Variants in CDK14 observed in about 807,000 individuals in gnomAD.
The protein encoded by CDK14 is cyclin-dependent kinase 14.
A neutral mutation model predicts 60.7 loss-of-function variants in CDK14; 34 were observed. The ratio of observed to expected loss-of-function variants is 0.56; its 90% CI spans 0.43 to 0.75. The LOEUF (loss-of-function observed/expected upper bound fraction) is 0.75, where lower values mean the gene tolerates loss of function less well. Ranked by LOEUF, CDK14 falls within the 30% of genes least tolerant of loss-of-function variation. The probability of loss-of-function intolerance (pLI) is 0.00; values close to 1 mark genes in which losing one functional copy is unlikely to be tolerated. For synonymous variants in CDK14, 197 were observed against 203.7 expected, an observed-to-expected ratio of 0.97 and a Z score of 0.28; for missense variants, 482 against 564.1, an observed-to-expected ratio of 0.85 and a Z score of 1.47.
chr7:90,920,219 C>T (rs1793206447), intron 8 of CDK14, among the ~76,000 whole-genome samples: 1 of 152,170 alleles, frequency 6.6e-6, no homozygotes, highest in Non-Finnish European at 1.5e-5. Context: ...ATTAAAAACA[C>T]AAAGGTCTTA....
At chr7:90,940,959 A>T (rs1793914563) in intron 8 of CDK14, among the ~76,000 whole-genome samples, 1 of 152,208 alleles carries the variant, frequency 6.6e-6, no homozygotes. Flanking sequence ...TCAACCAGTT[A>T]ACTCAATGAA....
At chr7:91,004,366 A>G (rs111798588) in intron 10 of CDK14, among the ~76,000 whole-genome samples, 34 of 152,238 alleles carry the variant, frequency 2.2e-4, no homozygotes, top group African/African-American at 7.7e-4. Context: ...AATAAAGTTG[A>G]TAACTTAGAT....
intron 12 of CDK14, among the ~76,000 whole-genome samples, chr7:91,089,395 T>C (rs1387325012): frequency 6.6e-6 from 1 of 152,174 alleles, no homozygotes; most frequent in South Asian, 2.1e-4. Flanking sequence ...TAAATGTTGA[T>C]TGCTTCTCAT....
intron 5 of CDK14, among the ~76,000 whole-genome samples, chr7:90,818,736 A>G (rs571841325): frequency 1.1e-4 from 16 of 152,218 alleles, no homozygotes; most frequent in Non-Finnish European, 1.9e-4. Flanking sequence ...AATTACTGGC[A>G]TTGAATTTGC....
At chr7:90,808,298 G>A (rs13242957) in intron 5 of CDK14, among the ~76,000 whole-genome samples, 15,823 of 152,204 alleles carry the variant, frequency 0.1, 1,045 homozygotes, top group Non-Finnish European at 0.15. Flanking sequence ...AGAAGAGAGT[G>A]GGGGCCAATA....
chr7:90,738,004 T>G (rs1803192245), intron 3 of CDK14, among the ~76,000 whole-genome samples: 1 of 152,170 alleles, frequency 6.6e-6, no homozygotes, highest in African/African-American at 2.4e-5. Context: ...CTCATGAAGT[T>G]TATAAAAATT....
At chr7:91,084,041 C>T (rs1190086674) in intron 12 of CDK14, among the ~76,000 whole-genome samples, 1 of 152,138 alleles carries the variant, frequency 6.6e-6, no homozygotes, top group African/African-American at 2.4e-5. Context: ...ATGCTTATGG[C>T]AGTCTTTTGA....
intron 4 of CDK14, among the ~76,000 whole-genome samples, chr7:90,779,774 G>A (rs73707878): frequency 0.015 from 2,303 of 152,228 alleles, 50 homozygotes; most frequent in African/African-American, 0.051. Flanking sequence ...TGAAAGATAA[G>A]CATTGTGTTT....
intron 2 of CDK14, among the ~76,000 whole-genome samples, chr7:90,703,724 C>T (rs1801837411): frequency 1.3e-5 from 2 of 152,006 alleles, no homozygotes; most frequent in South Asian, 4.1e-4. Flanking sequence ...AAATTATTAT[C>T]CAGGATAATT....
chr7:90,614,339 T>A (rs1799607944), intron 2 of CDK14, among the ~76,000 whole-genome samples: 1 of 152,166 alleles, frequency 6.6e-6, no homozygotes, highest in Non-Finnish European at 1.5e-5. Flanking sequence ...ATTATTCTTG[T>A]CATAAAACTT....
intron 2 of CDK14, among the ~76,000 whole-genome samples, chr7:90,648,250 A>G (rs1380192803): frequency 6.6e-6 from 1 of 152,016 alleles, no homozygotes; most frequent in East Asian, 1.9e-4. Flanking sequence ...CCTCACTCAC[A>G]TGACTGTTGG....
intron 10 of CDK14, among the ~76,000 whole-genome samples, chr7:90,989,008 G>GTC (rs1321289325): frequency 3.3e-5 from 5 of 151,508 alleles, no homozygotes; most frequent in African/African-American, 1.2e-4. Context: ...GTGAGTGTGT[G>GTC]TGTGTGTGTG....
intron 9 of CDK14, among the ~76,000 whole-genome samples, chr7:90,974,333 C>T (rs1487341927): frequency 9.9e-5 from 15 of 152,052 alleles, no homozygotes; most frequent in African/African-American, 2.9e-4. Context: ...GTACAGTTAA[C>T]GCAATCATCA....
chr7:91,110,176 A>T (rs1799431529), intron 12 of CDK14, among the ~76,000 whole-genome samples: 1 of 152,160 alleles, frequency 6.6e-6, no homozygotes, highest in South Asian at 2.1e-4. Context: ...AAAGGCTCTG[A>T]TGTTGAAAAT....
intron 2 of CDK14, among the ~76,000 whole-genome samples, chr7:90,655,827 T>A (rs765345548): frequency 4.6e-5 from 7 of 152,200 alleles, no homozygotes; most frequent in African/African-American, 9.7e-5. Flanking sequence ...TGCCAACCTT[T>A]CATCAGAGAC....
At chr7:90,645,699 T>A (rs1307822916) in intron 2 of CDK14, among the ~76,000 whole-genome samples, 1 of 152,226 alleles carries the variant, frequency 6.6e-6, no homozygotes, top group African/African-American at 2.4e-5. Context: ...TAGACAGTTA[T>A]AATTTATTTA....
chr7:90,830,358 G>T (rs1474002647), intron 5 of CDK14, among the ~76,000 whole-genome samples: 2 of 152,142 alleles, frequency 1.3e-5, no homozygotes, highest in African/African-American at 4.8e-5. Context: ...TTGTAACTTG[G>T]TGCCTTTTAG....
chr7:90,682,987 A>G (rs190963971), intron 2 of CDK14, among the ~76,000 whole-genome samples: 50 of 152,192 alleles, frequency 3.3e-4, no homozygotes, highest in African/African-American at 8.7e-4. Context: ...GCTAATTTTG[A>G]TCATCTAGTC....
intron 2 of CDK14, among the ~76,000 whole-genome samples, chr7:90,692,387 A>T (rs759888646): frequency 6.6e-6 from 1 of 152,176 alleles, no homozygotes; most frequent in African/African-American, 2.4e-5. Context: ...CAGTTGCCCA[A>T]ATATTTTTGA....
Sources: gnomAD v4.1 joint callset for allele counts (sites outside exome capture counted in the v4.1 genomes callset) on GRCh38, gnomAD v4.1.1 for gene constraint, MANE v1.5 for transcripts, NCBI Gene and HGNC (gene_info 2026-07-23, HGNC 2026-07-21) for gene names.